XIAP: variants seen among roughly 807,000 people sequenced by gnomAD.
XIAP encodes X-linked inhibitor of apoptosis.
A neutral mutation model predicts 33.1 loss-of-function variants in XIAP; 3 were observed. The ratio of observed to expected loss-of-function variants is 0.09; its 90% CI spans 0.04 to 0.23. The LOEUF is 0.23. Ranked by LOEUF, XIAP falls within the 10% of genes least tolerant of loss-of-function variation. The pLI, the probability that XIAP is intolerant of heterozygous loss-of-function variation, is 1.00. For synonymous variants in XIAP, 98 were observed against 121.3 expected, an observed-to-expected ratio of 0.81 and a Z score of 1.26; for missense variants, 264 against 363.0, an observed-to-expected ratio of 0.73 and a Z score of 2.22.
At position 123,886,424 on chromosome X, in the gene XIAP, A is replaced by T. The variant is rs1446146992; in HGVS notation, c.762A>T (p.Thr254=). The T allele has an allele frequency of 8.3e-7, 1 of 1,211,565 alleles. No homozygotes were observed. Among genetic ancestry groups the T allele is most frequent in the East Asian group, 3.0e-5 (1 of 33,883 alleles). The change falls in exon 2 of 7, where the codon ACA becomes ACT. Residue 254 remains threonine (T), a synonymous_variant. Transcript: ENST00000371199. ...CTGATAGGAATTTCCCAAATTCAACAAATCTTCCAAGAAATCCATCCATGG... is the reference window on the plus strand; with the variant it reads ...CTGATAGGAATTTCCCAAATTCAACTAATCTTCCAAGAAATCCATCCATGG... ...VSSDRNFPNS[T]NLPRNPSMAD...
intron 5 of XIAP, among the ~76,000 whole-genome samples, chrX:123,898,831 C>T (rs2053483557): frequency 9.6e-6 from 1 of 104,386 alleles, no homozygotes; most frequent in Non-Finnish European, 2.0e-5. Context: ...CTATAATATA[C>T]ATACAGTAGC....
rs544487887 is a variant in XIAP, at chrX:123,887,721, C to T, written c.878-898C>T. Reference sequence around the variant, plus strand: ...AAGTATGGCCGGGCGCGGTGGCTCCCGCCTATAATCCCAGCACTTTGGGAG... The same window carrying T: ...AAGTATGGCCGGGCGCGGTGGCTCCTGCCTATAATCCCAGCACTTTGGGAG... On this transcript the variant is annotated intron_variant, in intron 2 of 6. Transcript: ENST00000371199. 5.4e-5 allele frequency among the ~76,000 whole-genome samples: 6 copies of T among 111,454 alleles called. No homozygotes were observed. In the South Asian group the frequency reaches 1.5e-3, roughly 27 times the overall value.
chrX:123,891,184 G>A (rs1466387615), intron 3 of XIAP, 54 bp from the exon 4 acceptor site: 3 of 607,577 alleles, frequency 4.9e-6, no homozygotes, highest in Non-Finnish European at 8.1e-6. Flanking sequence ...TTATATCTTT[G>A]CTTATACTTC....
At chrX:123,903,180 A>ATT (rs56868819) in intron 6 of XIAP, among the ~76,000 whole-genome samples, 51 of 65,232 alleles carry the variant, frequency 7.8e-4, no homozygotes, top group African/African-American at 2.7e-3. Context: ...TTATTTTATA[A>ATT]TTTTTTTTTT....
In XIAP at chrX:123,908,405, A is replaced by G. The variant is rs763074728; in HGVS notation, c.*1224A>G. On this transcript the variant is annotated 3_prime_UTR_variant, in exon 7 of 7. Transcript: ENST00000371199. ...AATCCTTGCTAGTTTAAGCCTGCCT[A>G]AGTCACTTTACTAAAAGATCTTTGT... The G allele has an allele frequency of 2.7e-6, 1 of 376,657 alleles. No homozygotes were observed. Among genetic ancestry groups the G allele is most frequent in the South Asian group, 2.6e-5 (1 of 38,788 alleles). 31.0% of individuals were successfully genotyped at this position (376,657 alleles called of 1,213,427 possible). A position where few individuals can be genotyped will look rare whatever the true frequency, so the allele number is the denominator to read the frequency against.
At chrX:123,906,596 T>C (rs926331190) in intron 6 of XIAP, among the ~76,000 whole-genome samples, 2 of 111,580 alleles carry the variant, frequency 1.8e-5, no homozygotes, top group Admixed American at 1.9e-4. Context: ...ACCTAACCCT[T>C]GTTTTTCTGC....
chrX:123,903,631 G>GTTTTTTTTTATTTTTTTTTTT, intron 6 of XIAP, among the ~76,000 whole-genome samples: 1 of 34,505 alleles, frequency 2.9e-5, no homozygotes, highest in Non-Finnish European at 5.8e-5. Flanking sequence ...TTTTTTTTTT[G>GTTTTTTTTTATTTTTTTTTTT]TTTTGTTTTT....
rs369534477 is a variant in XIAP at position 123,886,056 on chromosome X, C to T, written c.394C>T (p.Pro132Ser). ...GSRDHFALDRPSETHADYLLR... is the reference protein window; with the variant it reads ...GSRDHFALDRSSETHADYLLR... The stretch of plus-strand genomic sequence containing the variant: ...CAGAGATCATTTTGCCTTAGACAGG[C>T]CATCTGAGACACATGCAGACTATCT... Residue 132 changes from proline (P) to serine (S), a missense_variant, in exon 2 of 7, where the codon CCA becomes TCA. By Grantham distance (74) the Pro-to-Ser change is moderately conservative. Coordinates refer to ENST00000371199, the MANE Select transcript of XIAP (RefSeq NM_001167.4). 11 of 1,210,176 alleles carry T rather than the reference C, an allele frequency of 9.1e-6. No individual in the cohort carries two copies. In the South Asian group the frequency reaches 1.8e-4, roughly 19 times the overall value.
rs57436822 is a variant in XIAP at position 123,869,362 on chromosome X, C to CAAAAAAAAAAAAAAAAAAAAAAAA, written c.-33+9091_-33+9092insAAAAAAAAAAAAAAAAAAAAAAAA. Among the ~76,000 whole-genome samples, 44 of 29,721 alleles carry CAAAAAAAAAAAAAAAAAAAAAAAA rather than the reference C, an allele frequency of 1.5e-3. 5 individuals are homozygous for CAAAAAAAAAAAAAAAAAAAAAAAA. Among genetic ancestry groups the CAAAAAAAAAAAAAAAAAAAAAAAA allele is most frequent in the African/African-American group, 2.0e-3 (13 of 6,664 alleles). The allele number at this position is 29,721 out of a possible 115,157, so 25.8% of individuals were successfully genotyped here. ...AAACCCCATCTCTACTAAAAAAATA[C>CAAAAAAAAAAAAAAAAAAAAAAAA]AAAAAAAAAAAAAAAAAAAAAAGCT... On this transcript the variant is annotated intron_variant, in intron 1 of 6. Transcript: ENST00000371199.
rs1253924599 is a variant in XIAP at position 123,861,649 on chromosome X, G to T, written c.-33+1356G>T. On this transcript the variant is annotated intron_variant, in intron 1 of 6. Transcript: ENST00000371199. The stretch of plus-strand genomic sequence containing the variant: ...TTTGAATTTGTTATAAATTCGTATT[G>T]ATTTCATAATTGAAAAGTTTTAAAG... Among the ~76,000 whole-genome samples the T allele has an allele frequency of 2.7e-5, 3 of 111,872 alleles. No individual in the cohort carries two copies. The East Asian group carries it at 8.4e-4, about 31-fold the overall frequency.
At chrX:123,868,760 A>G (rs2053166533) in intron 1 of XIAP, among the ~76,000 whole-genome samples, 3 of 111,505 alleles carry the variant, frequency 2.7e-5, no homozygotes, top group South Asian at 7.5e-4. Context: ...TTTGAGGCCA[A>G]ATTTATGGAT....
intron 3 of XIAP, among the ~76,000 whole-genome samples, chrX:123,891,008 T>G (rs2053402945): frequency 9.0e-6 from 1 of 111,437 alleles, no homozygotes. Flanking sequence ...GTTCTCAAGT[T>G]GATATTTTTT....
chrX:123,892,157 G>A (rs1375041036), intron 4 of XIAP, among the ~76,000 whole-genome samples: 2 of 111,261 alleles, frequency 1.8e-5, no homozygotes, highest in African/African-American at 6.5e-5. Flanking sequence ...CCCAAGGTCA[G>A]GAGTTCGAGA....
At chrX:123,874,610 CTT>C (rs1231301619) in intron 1 of XIAP, 1 of 109,709 alleles carries the variant, frequency 9.1e-6, no homozygotes, top group East Asian at 2.8e-4. Context: ...GTATTGTCCT[CTT>C]TTGTTAGATA....
At chrX:123,895,401 A>G (rs2053450738) in intron 5 of XIAP, among the ~76,000 whole-genome samples, 2 of 112,434 alleles carry the variant, frequency 1.8e-5, no homozygotes, top group Admixed American at 1.9e-4. Context: ...TGATGGTTCT[A>G]TGAACATTTG....
rs1284573740 is a variant in XIAP, at chrX:123,860,068, A to G, written c.-258A>G. The G allele has an allele frequency of 3.0e-6, 1 of 328,078 alleles. No homozygotes were observed. The highest frequency in any genetic ancestry group is 5.9e-6 in the Non-Finnish European group (1 of 169,582). The allele number at this position is 328,078 out of a possible 1,213,427, so 27.0% of individuals were successfully genotyped here. A position where few individuals can be genotyped will look rare whatever the true frequency, so the allele number is the denominator to read the frequency against. On this transcript the variant is annotated 5_prime_UTR_variant, in exon 1 of 7. Coordinates refer to ENST00000371199, the MANE Select transcript of XIAP (RefSeq NM_001167.4). ...GTGTCTCTTTGAGGCCCTGACGTGG[A>G]CACACTTCGGGTTTCACGACTCCGG... is the stretch of plus-strand genomic sequence containing the variant.
At chrX:123,883,326 C>T (rs903255522) in intron 1 of XIAP, among the ~76,000 whole-genome samples, 15 of 110,561 alleles carry the variant, frequency 1.4e-4, no homozygotes, top group African/African-American at 3.9e-4. Flanking sequence ...TCAAGTTATC[C>T]GGCCACCTTG....
chrX:123,895,660 T>G (rs1375446470), intron 5 of XIAP, among the ~76,000 whole-genome samples: 1 of 112,040 alleles, frequency 8.9e-6, no homozygotes, highest in Non-Finnish European at 1.9e-5. Flanking sequence ...CTCATTGTGG[T>G]TTTGTTTTGC....
At chrX:123,906,924 T>G (rs1275436677) in intron 6 of XIAP, 64 bp from the exon 7 acceptor site, 1 of 1,171,175 alleles carries the variant, frequency 8.5e-7, no homozygotes. Context: ...TCAATAAATG[T>G]TTTCAATGAA....
Sources: allele counts gnomAD v4.1 joint callset (sites outside exome capture counted in the v4.1 genomes callset), GRCh38; gene constraint gnomAD v4.1.1; transcripts MANE v1.5; gene names NCBI Gene and HGNC (gene_info 2026-07-23, HGNC 2026-07-21).